Variants in MAD1L1 observed in about 807,000 individuals in gnomAD.
MAD1L1 encodes the protein mitotic spindle assembly checkpoint protein MAD1.
MAD1L1 carries 95 observed loss-of-function variants against 96.9 expected under a neutral mutation model. That is an observed-to-expected ratio of 0.98 (90% CI 0.83 to 1.16). MAD1L1 has a LOEUF of 1.16. MAD1L1 is among the 50% of genes most tolerant of loss of function. The probability of loss-of-function intolerance (pLI) is 0.00; values close to 1 mark genes in which losing one functional copy is unlikely to be tolerated. For missense variants in MAD1L1, 1,007 were observed against 954.4 expected (o/e 1.06, Z -0.73); for synonymous variants, 473 against 396.6 (o/e 1.19, Z -2.29).
chr7:2,124,335 G>A (rs1788126506), intron 11 of MAD1L1, among the ~76,000 whole-genome samples: 1 of 152,218 alleles, frequency 6.6e-6, no homozygotes, highest in Admixed American at 6.5e-5. Flanking sequence ...CAGACACGGG[G>A]GTGTGGAACT....
intron 15 of MAD1L1, among the ~76,000 whole-genome samples, chr7:1,966,567 AAAAAAAAAAC>A (rs1188032760): frequency 3.6e-5 from 5 of 139,100 alleles, no homozygotes; most frequent in Non-Finnish European, 6.2e-5. Context: ...TGGCAAAAAA[AAAAAAAAAAC>A]AAAAAAAATC....
At chr7:1,857,943 C>T (rs764105570) in intron 18 of MAD1L1, among the ~76,000 whole-genome samples, 29 of 152,216 alleles carry the variant, frequency 1.9e-4, no homozygotes, top group African/African-American at 3.6e-4. Flanking sequence ...CCCTTCCTCC[C>T]GTCCCCAGGG....
intron 11 of MAD1L1, among the ~76,000 whole-genome samples, chr7:2,080,912 C>T (rs1348091865): frequency 3.3e-5 from 5 of 152,216 alleles, no homozygotes; most frequent in Non-Finnish European, 7.3e-5. Context: ...ACAGGCGGTA[C>T]CGCCGGGACG....
At chr7:2,042,122 GAC>G (rs961019881) in intron 12 of MAD1L1, among the ~76,000 whole-genome samples, 8 of 148,354 alleles carry the variant, frequency 5.4e-5, no homozygotes, top group South Asian at 2.2e-4. Context: ...CACACACGCA[GAC>G]ACACATGCAC....
intron 10 of MAD1L1, among the ~76,000 whole-genome samples, chr7:2,167,025 T>C (rs1790461640): frequency 2.6e-5 from 4 of 152,168 alleles, no homozygotes; most frequent in Admixed American, 2.6e-4. Flanking sequence ...CTCACGGGGC[T>C]AGAACCCAGG....
intron 14 of MAD1L1, 143 bp downstream of exon 14, chr7:2,001,922 T>TC (rs1781813698): frequency 1.2e-6 from 1 of 830,422 alleles, no homozygotes; most frequent in African/African-American, 1.7e-5. Context: ...CACACACCCT[T>TC]CCCCGCTCAA....
chr7:2,125,855 C>T (rs141402374), intron 11 of MAD1L1, among the ~76,000 whole-genome samples: 116 of 151,552 alleles, frequency 7.7e-4, no homozygotes, highest in Non-Finnish European at 1.3e-3. Flanking sequence ...ATCAGGAGAA[C>T]GGACTACCTG....
intron 6 of MAD1L1, among the ~76,000 whole-genome samples, chr7:2,218,387 G>A (rs538768084): frequency 1.3e-5 from 2 of 152,288 alleles, no homozygotes; most frequent in African/African-American, 4.8e-5. Flanking sequence ...GTGCAGCTGC[G>A]GTAGGGCCCC....
chr7:2,028,856 C>A (rs926546186), intron 12 of MAD1L1, among the ~76,000 whole-genome samples: 7 of 151,786 alleles, frequency 4.6e-5, no homozygotes, highest in African/African-American at 1.7e-4. Context: ...CACTGGATAC[C>A]CACGTTGACA....
At chr7:2,164,407 G>A (rs1790316971) in intron 10 of MAD1L1, among the ~76,000 whole-genome samples, 1 of 152,184 alleles carries the variant, frequency 6.6e-6, no homozygotes, top group Non-Finnish European at 1.5e-5. Context: ...CAGGAGCTCT[G>A]CGCTGAGGGC....
intron 10 of MAD1L1, among the ~76,000 whole-genome samples, chr7:2,210,899 G>A (rs1243937766): frequency 2.0e-5 from 3 of 152,328 alleles, no homozygotes; most frequent in East Asian, 1.9e-4. Context: ...AACTCACAGG[G>A]CCCTCCACAA....
At chr7:2,057,018 AGGGC>A (rs1784414191) in intron 12 of MAD1L1, among the ~76,000 whole-genome samples, 1 of 152,174 alleles carries the variant, frequency 6.6e-6, no homozygotes, top group Non-Finnish European at 1.5e-5. Flanking sequence ...GGGCTCAGCA[AGGGC>A]GCCTGTTCAC....
intron 17 of MAD1L1, among the ~76,000 whole-genome samples, chr7:1,907,953 G>A (rs1008160029): frequency 2.0e-5 from 3 of 152,228 alleles, no homozygotes; most frequent in African/African-American, 7.2e-5. Context: ...GCAGTGTGCG[G>A]CCCCCTCAGG....
At chr7:2,077,056 C>T (rs936560848) in intron 11 of MAD1L1, among the ~76,000 whole-genome samples, 3 of 146,146 alleles carry the variant, frequency 2.1e-5, no homozygotes, top group South Asian at 2.2e-4. Context: ...GGTGAGCCCG[C>T]GGCATGGTGA....
chr7:1,934,368 C>T lies in MAD1L1; in HGVS notation c.1807+2319G>A, dbSNP rs552304811. ...CGCAGAGACCCAGACAAGAGGTTAA[C>T]GAACAGACGGGCGAACCCGAGACAG... is the stretch of plus-strand genomic sequence containing the variant. On this transcript the variant is annotated intron_variant, in intron 17 of 18. Coordinates refer to ENST00000265854, the MANE Select transcript of MAD1L1 (RefSeq NM_001013836.2). Among the ~76,000 whole-genome samples, 7 of 152,262 alleles carry T rather than the reference C, an allele frequency of 4.6e-5. No homozygotes were observed. The East Asian group carries it at 9.7e-4, about 21-fold the overall frequency.
chr7:1,872,919 C>A (rs776096811), intron 18 of MAD1L1, among the ~76,000 whole-genome samples: 1 of 152,182 alleles, frequency 6.6e-6, no homozygotes, highest in African/African-American at 2.4e-5. Flanking sequence ...GTGGGGGGCG[C>A]GTCAGAAGGA....
intron 18 of MAD1L1, among the ~76,000 whole-genome samples, chr7:1,874,929 C>T (rs1055680081): frequency 7.2e-5 from 11 of 152,278 alleles, no homozygotes; most frequent in African/African-American, 2.6e-4. Context: ...TGCACCTGTG[C>T]CCAGTGAGTG....
intron 12 of MAD1L1, among the ~76,000 whole-genome samples, chr7:2,016,356 A>G (rs536266288): frequency 9.9e-5 from 15 of 152,266 alleles, no homozygotes; most frequent in African/African-American, 3.4e-4. Flanking sequence ...TGAAAGGGCA[A>G]ATTCATGGCC....
chr7:2,105,577 G>A (rs1421174585), intron 11 of MAD1L1, among the ~76,000 whole-genome samples: 1 of 152,092 alleles, frequency 6.6e-6, no homozygotes, highest in Non-Finnish European at 1.5e-5. Flanking sequence ...GAAGTAACGA[G>A]GCCAGGAAGC....
Sources: gnomAD v4.1 joint callset for allele counts (sites outside exome capture counted in the v4.1 genomes callset) on GRCh38, gnomAD v4.1.1 for gene constraint, MANE v1.5 for transcripts, NCBI Gene and HGNC (gene_info 2026-07-23, HGNC 2026-07-21) for gene names.